The following RADIL variants were observed in gnomAD, a reference collection of about 807,000 sequenced individuals.
RADIL encodes the protein Rap associating with DIL domain, also known as ras-associating and dilute domain-containing protein.
Under a neutral mutation model 97.6 loss-of-function variants are expected in RADIL, and 99 were observed. The observed-to-expected ratio is 1.01, with a 90% CI of 0.86 to 1.20. RADIL has a LOEUF of 1.20. Among genes scored for constraint, RADIL ranks in the 50% most tolerant of loss-of-function variants. RADIL has a pLI of 0.00. For synonymous variants in RADIL, 803 were observed against 691.8 expected (o/e 1.16, Z -2.52); for missense variants, 1,765 against 1,498.9 (o/e 1.18, Z -2.93).
intron 2 of RADIL, among the ~76,000 whole-genome samples, chr7:4,864,287 A>T (rs1162411752): frequency 2.0e-5 from 3 of 152,050 alleles, no homozygotes; most frequent in East Asian, 3.9e-4. Context: ...GCCAGTCCTC[A>T]GTCAAATTTG....
At chr7:4,807,515 C>CTCTCCG (rs1406457866) in intron 9 of RADIL, among the ~76,000 whole-genome samples, 1 of 142,398 alleles carries the variant, frequency 7.0e-6, no homozygotes, top group East Asian at 2.1e-4. Flanking sequence ...TCCCTCCTCC[C>CTCTCCG]TCTCCGTCTC....
In RADIL at chr7:4,798,670, G is replaced by A. The variant is rs79959107; in HGVS notation, c.*708C>T. Reference sequence around the variant, plus strand: ...TGGTGAGGATTAAGGGCCTGGGGCCGCCAGCCTGGTATCAGGGCCACGCTG... The same window carrying A: ...TGGTGAGGATTAAGGGCCTGGGGCCACCAGCCTGGTATCAGGGCCACGCTG... On this transcript the variant is annotated 3_prime_UTR_variant, in exon 15 of 15. Transcript: ENST00000399583. The A allele has an allele frequency of 0.04, 6,153 of 152,486 alleles. 198 individuals are homozygous for A. Among genetic ancestry groups the A allele is most frequent in the African/African-American group, 0.087 (3,600 of 41,574 alleles). 9.4% of individuals were successfully genotyped at this position (152,486 alleles called of 1,614,324 possible).
rs967226756 is a variant in RADIL at position 4,824,976 on chromosome 7, C to T, written c.1455-2422G>A. Among the ~76,000 whole-genome samples the T allele has an allele frequency of 2.0e-5, 3 of 152,140 alleles. No homozygotes were observed. The highest frequency in any genetic ancestry group is 1.9e-4 in the East Asian group (1 of 5,190). ...AGACTCGGGCCAGGTTGGCACTGAA[C>T]GCGCCCCCACCTGCCAACCTGGGGC... On this transcript the variant is annotated intron_variant, in intron 5 of 14. Transcript: ENST00000399583. This position sits in a 1 kb window ranked among gnomAD's most constrained non-coding sequence, Gnocchi z 6.7.
In RADIL at chr7:4,817,132, C is replaced by T; in HGVS notation, c.1728+107G>A. 1.0e-6 allele frequency: 1 copy of T among 965,176 alleles called. No individual in the cohort carries two copies. The highest frequency in any genetic ancestry group is 1.6e-5 in the South Asian group (1 of 62,956). 59.8% of individuals were successfully genotyped at this position (965,176 alleles called of 1,614,324 possible). A position where few individuals can be genotyped will look rare whatever the true frequency, so the allele number is the denominator to read the frequency against. ...ATGAAGTGGAGCTTGTCACGGTCCC[C>T]TCCCTCAGCCCCCCAGAAGGCTCCT... On this transcript the variant is annotated intron_variant, in intron 7 of 14. Coordinates refer to ENST00000399583, the MANE Select transcript of RADIL (RefSeq NM_018059.5). This position sits in a 1 kb window ranked among gnomAD's most constrained non-coding sequence, Gnocchi z 8.3.
rs1784469538 is a variant in RADIL at position 4,880,906 on chromosome 7, G to A, written c.-65+2690C>T. On this transcript the variant is annotated intron_variant, in intron 1 of 14. Coordinates refer to ENST00000399583, the MANE Select transcript of RADIL (RefSeq NM_018059.5). This position sits in a 1 kb window ranked among gnomAD's most constrained non-coding sequence, Gnocchi z 4.5. ...AAGGCCAGGAGTTCAAGACTAGCCT[G>A]GGCAACATAACAAGATCCCAATCTC... Among the ~76,000 whole-genome samples, 1 of 152,140 alleles carries A rather than the reference G, an allele frequency of 6.6e-6. No homozygotes were observed. The highest frequency in any genetic ancestry group is 1.5e-5 in the Non-Finnish European group (1 of 68,032).
chr7:4,861,842 C>CCCACCACCGCGACCTTCACGTCCA (rs745946483), intron 2 of RADIL: 2 of 1,395,616 alleles, frequency 1.4e-6, no homozygotes, highest in South Asian at 1.7e-5. Context: ...GGGCACGTCC[C>CCCACCACCGCGACCTTCACGTCCA]CCACCACCGC....
Position 4,834,770 on chromosome 7 carries a change from A to T in RADIL, c.1253T>A (p.Leu418Gln). 7.2e-7 allele frequency: 1 copy of T among 1,388,602 alleles called. No individual in the cohort carries two copies. The highest frequency in any genetic ancestry group is 9.4e-7 in the Non-Finnish European group (1 of 1,064,658). The allele number at this position is 1,388,602 out of a possible 1,614,324, so 86.0% of individuals were successfully genotyped here. ...CTCGATCAACGTCATGATCCTCTGCAGCAGCGTGTCCTCCAGGTGGGGCTC... is the reference window on the plus strand; with the variant it reads ...CTCGATCAACGTCATGATCCTCTGCTGCAGCGTGTCCTCCAGGTGGGGCTC... The part of the protein sequence containing the change: ...EFEPHLEDTL[L>Q]QRIMTLIEPG... The change falls in exon 4 of 15, where the codon CTG (leucine) becomes CAG (glutamine). Residue 418 changes from leucine to glutamine, a missense_variant. Physicochemically the swap from Leu to Gln is moderately radical, Grantham distance 113. Coordinates refer to ENST00000399583, the MANE Select transcript of RADIL (RefSeq NM_018059.5). This position sits in a 1 kb window ranked among gnomAD's most constrained non-coding sequence, Gnocchi z 6.0.
chr7:4,876,404 G>T (rs1212253899), intron 2 of RADIL, among the ~76,000 whole-genome samples: 2 of 151,918 alleles, frequency 1.3e-5, no homozygotes, highest in Non-Finnish European at 2.9e-5. Context: ...AGGTTCAAGC[G>T]ATTCTCCTGC....
In RADIL at chr7:4,839,467, A is replaced by G. The variant is rs542408238; in HGVS notation, c.536-2862T>C. 3.5e-4 allele frequency among the ~76,000 whole-genome samples: 53 copies of G among 152,184 alleles called. 1 individual carries two copies. Among genetic ancestry groups the G allele is most frequent in the Non-Finnish European group, 6.9e-4 (47 of 68,036 alleles). The stretch of plus-strand genomic sequence containing the variant: ...AAAGAGCAATGCACACAGTGCGTTT[A>G]CCACATGGCGGCTGTCCTCAACAGG... On this transcript the variant is annotated intron_variant, in intron 2 of 14. Coordinates refer to ENST00000399583, the MANE Select transcript of RADIL (RefSeq NM_018059.5).
intron 2 of RADIL, among the ~76,000 whole-genome samples, chr7:4,868,298 G>A (rs981922575): frequency 2.0e-5 from 3 of 152,156 alleles, no homozygotes; most frequent in Admixed American, 6.6e-5. Context: ...TCCTGACCTC[G>A]TGATCCGCCC....
rs11319065 is a variant in RADIL, at chr7:4,842,055, CAA to C, written c.536-5452_536-5451del. Among the ~76,000 whole-genome samples, 108 of 144,894 alleles carry C rather than the reference CAA, an allele frequency of 7.5e-4. No homozygotes were observed. Among genetic ancestry groups the C allele is most frequent in the Admixed American group, 7.6e-4 (11 of 14,394 alleles). On this transcript the variant is annotated intron_variant, in intron 2 of 14. Transcript: ENST00000399583. The surrounding 1 kb of genome is among the most constrained non-coding windows in gnomAD (Gnocchi z 4.5). ...GGGCAACAGAGCAAGACCCTGTCTC[CAA>C]AAAAAAAAAAAGATGCAACAAGGCC... is the stretch of plus-strand genomic sequence containing the variant.
rs148430593 is a variant in RADIL at position 4,806,785 on chromosome 7, G to A, written c.2140-1069C>T. 6.9e-3 allele frequency among the ~76,000 whole-genome samples: 1,053 copies of A among 152,362 alleles called. 14 individuals are homozygous for A. The highest frequency in any genetic ancestry group is 0.04 in the South Asian group (195 of 4,828). ...TCCACCCTGGACTGGTCATCTGGCT[G>A]GCACAGAACTCCAGGCGGGAGGGCG... is the stretch of plus-strand genomic sequence containing the variant. On this transcript the variant is annotated intron_variant, in intron 9 of 14. Transcript: ENST00000399583.
chr7:4,808,271 C>T (rs1170705180), intron 9 of RADIL, among the ~76,000 whole-genome samples: 1 of 151,354 alleles, frequency 6.6e-6, no homozygotes, highest in Non-Finnish European at 1.5e-5. Context: ...GGGCTTTTCT[C>T]CCAGGCTCTG....
chr7:4,863,148 G>C (rs1343507437), intron 2 of RADIL, among the ~76,000 whole-genome samples: 2 of 152,006 alleles, frequency 1.3e-5, no homozygotes, highest in Non-Finnish European at 2.9e-5. Flanking sequence ...TTACCTCCAA[G>C]TCCTCTCTTC....
At chr7:4,861,484 A>G (rs1286920404) in intron 2 of RADIL, 1 of 1,614,002 alleles carries the variant, frequency 6.2e-7, no homozygotes, top group African/African-American at 1.3e-5. Flanking sequence ...CGCCTTTCGT[A>G]TGTACTCCTA....
chr7:4,869,824 A>G (rs1450498476), intron 2 of RADIL, among the ~76,000 whole-genome samples: 2 of 151,840 alleles, frequency 1.3e-5, no homozygotes, highest in East Asian at 3.9e-4. Flanking sequence ...CGAGAATCTG[A>G]CTCTTTCGCA....
At chr7:4,865,592 G>A in intron 2 of RADIL, 1 of 799,722 alleles carries the variant, frequency 1.3e-6, no homozygotes, top group Admixed American at 1.7e-5. Context: ...GGATGTCACA[G>A]TGATCTTGCT....
chr7:4,832,821 G>C (rs913569422), intron 4 of RADIL, among the ~76,000 whole-genome samples: 7 of 151,920 alleles, frequency 4.6e-5, no homozygotes, highest in Non-Finnish European at 7.4e-5. Context: ...CGTGATGGCT[G>C]AGTGCGCGTA....
rs574298079 is a variant in RADIL at position 4,881,688 on chromosome 7, C to A, written c.-65+1908G>T. The stretch of plus-strand genomic sequence containing the variant: ...GTTGCAGCAAGCCGAGATCACGCCA[C>A]TGCACTCCAGCCTGGGCAACAGAGT... On this transcript the variant is annotated intron_variant, in intron 1 of 14. Transcript: ENST00000399583. Among the ~76,000 whole-genome samples the A allele has an allele frequency of 4.0e-5, 6 of 149,768 alleles. No homozygotes were observed. The East Asian group carries it at 9.8e-4, about 25-fold the overall frequency.
Sources: gnomAD v4.1 joint callset for allele counts (sites outside exome capture counted in the v4.1 genomes callset) on GRCh38, gnomAD v4.1.1 for gene constraint, Gnocchi (gnomAD v3.1) non-coding constraint, MANE v1.5 for transcripts, NCBI Gene and HGNC (gene_info 2026-07-23, HGNC 2026-07-21) for gene names.